The following SLC1A7 variants were observed in gnomAD, a reference collection of about 807,000 sequenced individuals.
SLC1A7 encodes solute carrier family 1 member 7.
SLC1A7 carries 40 observed loss-of-function variants against 47.7 expected under a neutral mutation model. That is an observed-to-expected ratio of 0.84 (90% CI 0.65 to 1.09). The LOEUF is 1.09. Among genes scored for constraint, SLC1A7 ranks in the 50% least tolerant of loss-of-function variants. The pLI is 0.00. For missense variants in SLC1A7, 746 were observed against 769.5 expected (o/e 0.97, Z 0.36); for synonymous variants, 323 against 325.6 (o/e 0.99, Z 0.09).
At chr1:53,093,625 A>C in intron 5 of SLC1A7, 65 bp from the exon 6 acceptor site, 1 of 1,309,590 alleles carries the variant, frequency 7.6e-7, no homozygotes, top group Non-Finnish European at 1.1e-6. Context: ...CATGGGTCTC[A>C]GCATGGCTGG....
chr1:53,106,567 C>T (rs929062751), intron 3 of SLC1A7, among the ~76,000 whole-genome samples: 6 of 150,380 alleles, frequency 4.0e-5, no homozygotes, highest in African/African-American at 1.5e-4. Context: ...GCCACTGCAC[C>T]CCAGCCTGGG....
chr1:53,093,795 T>C (rs1048433945), intron 5 of SLC1A7, among the ~76,000 whole-genome samples: 1 of 151,872 alleles, frequency 6.6e-6, no homozygotes, highest in Admixed American at 6.6e-5. Context: ...AGGATAAAAG[T>C]GCTCCCTGCC....
At position 53,142,482 on chromosome 1, in the gene SLC1A7, A is replaced by G; in HGVS notation, c.-33T>C. On this transcript the variant is annotated 5_prime_UTR_variant, in exon 1 of 11. Coordinates refer to ENST00000371494, the MANE Select transcript of SLC1A7 (RefSeq NM_006671.6). ...CTGGCCTGCTGGCAAGGGGCACAGC[A>G]CCATTCCACGCATGAGAGCCCGGCC... 1 of 1,609,022 alleles carries G rather than the reference A, an allele frequency of 6.2e-7. No individual in the cohort carries two copies. Among genetic ancestry groups the G allele is most frequent in the Non-Finnish European group, 8.5e-7 (1 of 1,178,050 alleles).
chr1:53,126,866 ATT>A (rs148031748), intron 2 of SLC1A7, among the ~76,000 whole-genome samples: 145,198 of 151,194 alleles, frequency 0.96, 69,748 homozygotes, highest in East Asian at 1. Flanking sequence ...TGCTTATCTA[ATT>A]TTTTTTTTTT....
intron 5 of SLC1A7, among the ~76,000 whole-genome samples, chr1:53,100,452 T>C (rs1313974002): frequency 6.7e-6 from 1 of 149,772 alleles, no homozygotes; most frequent in Admixed American, 6.7e-5. Context: ...CCCACCTCGG[T>C]CCACTCATAC....
chr1:53,123,575 G>A (rs1644848583), intron 2 of SLC1A7, among the ~76,000 whole-genome samples: 1 of 152,232 alleles, frequency 6.6e-6, no homozygotes, highest in Admixed American at 6.5e-5. Context: ...CACCAACCCG[G>A]GGGTGGGGGT....
At chr1:53,125,206 T>TGG (rs1644869368) in intron 2 of SLC1A7, among the ~76,000 whole-genome samples, 2 of 152,224 alleles carry the variant, frequency 1.3e-5, no homozygotes, top group East Asian at 3.9e-4. Flanking sequence ...TTCGTTCCTA[T>TGG]ACTAATGTAA....
intron 5 of SLC1A7, among the ~76,000 whole-genome samples, chr1:53,098,313 A>T (rs1644524783): frequency 7.6e-6 from 1 of 131,420 alleles, no homozygotes; most frequent in Non-Finnish European, 1.6e-5. Flanking sequence ...ACACACACAC[A>T]CTCCACTCGT....
Position 53,102,739 on chromosome 1 carries a change from C to T in SLC1A7, c.697+607G>A, listed in dbSNP as rs78518135. 9.8e-3 allele frequency: 1,495 copies of T among 152,612 alleles called. 9 individuals are homozygous for T. Among genetic ancestry groups the T allele is most frequent in the Non-Finnish European group, 0.015 (1,015 of 68,318 alleles). The allele number at this position is 152,612 out of a possible 1,614,324, so 9.5% of individuals were successfully genotyped here. Reference sequence around the variant, plus strand: ...GGCGAGAGACCACACGGCCTTGACCCGGGCAGTGACGCGGGGTAGAAGGAA... The same window carrying T: ...GGCGAGAGACCACACGGCCTTGACCTGGGCAGTGACGCGGGGTAGAAGGAA... On this transcript the variant is annotated intron_variant, in intron 5 of 10. Transcript: ENST00000371494.
chr1:53,095,725 T>TTGCCTCGGTACACTCAGC (rs1644479606), intron 5 of SLC1A7, among the ~76,000 whole-genome samples: 1 of 136,472 alleles, frequency 7.3e-6, no homozygotes, highest in Non-Finnish European at 1.6e-5. Flanking sequence ...CACACACAAC[T>TTGCCTCGGTACACTCAGC]TGCCTCGGTA....
intron 3 of SLC1A7, among the ~76,000 whole-genome samples, chr1:53,110,885 G>A (rs534403624): frequency 6.6e-6 from 1 of 151,968 alleles, no homozygotes; most frequent in Non-Finnish European, 1.5e-5. Flanking sequence ...ATTCTCCCTG[G>A]ACCATTCCAG....
Position 53,092,546 on chromosome 1 carries a change from G to T in SLC1A7, c.1031+8C>A. 1 of 1,601,314 alleles carries T rather than the reference G, an allele frequency of 6.2e-7. No individual in the cohort carries two copies. The highest frequency in any genetic ancestry group is 1.1e-5 in the South Asian group (1 of 90,768). ...GCTCCCCACCGTCCTGCCCGTCCCC[G>T]GGGCTACCTGGAGGAGGTGGCCAGC... On this transcript the variant is annotated splice_region_variant and intron_variant, in intron 7 of 10. Transcript: ENST00000371494.
Position 53,142,591 on chromosome 1 carries a change from G to A in SLC1A7, c.-142C>T, listed in dbSNP as rs1645069876. On this transcript the variant is annotated 5_prime_UTR_variant, in exon 1 of 11. Coordinates refer to ENST00000371494, the MANE Select transcript of SLC1A7 (RefSeq NM_006671.6). ...GCTAAACACCAGTCGCCAGCCCCAC[G>A]GCCATGCCCGTGTGGCCGCCTTAGA... The A allele has an allele frequency of 7.9e-6, 7 of 891,434 alleles. No individual in the cohort carries two copies. Among genetic ancestry groups the A allele is most frequent in the Admixed American group, 3.0e-5 (1 of 33,266 alleles). The allele number at this position is 891,434 out of a possible 1,614,324, so 55.2% of individuals were successfully genotyped here.
rs181174534 is a variant in SLC1A7 at position 53,134,111 on chromosome 1, G to A, written c.215+239C>T. ...GCTATCTTGGAGTCGGGTCATATCC[G>A]TTGATTCCAAATCACCTGTTCTATC... On this transcript the variant is annotated intron_variant, in intron 2 of 10. Coordinates refer to ENST00000371494, the MANE Select transcript of SLC1A7 (RefSeq NM_006671.6). 3.3e-4 allele frequency among the ~76,000 whole-genome samples: 50 copies of A among 152,238 alleles called. 1 individual carries two copies. Among genetic ancestry groups the A allele is most frequent in the African/African-American group, 1.0e-3 (42 of 41,528 alleles).
chr1:53,097,246 A>G (rs972189440), intron 5 of SLC1A7, among the ~76,000 whole-genome samples: 1 of 148,000 alleles, frequency 6.8e-6, no homozygotes. Context: ...CGGTACACTC[A>G]TTTTTTCTCG....
chr1:53,131,201 G>A (rs2150343824), intron 2 of SLC1A7, among the ~76,000 whole-genome samples: 1 of 152,344 alleles, frequency 6.6e-6, no homozygotes, highest in East Asian at 1.9e-4. Flanking sequence ...GCCAGAAGGT[G>A]GAGAGCTGGA....
At chr1:53,094,747 C>T (rs1359512301) in intron 5 of SLC1A7, among the ~76,000 whole-genome samples, 1 of 152,206 alleles carries the variant, frequency 6.6e-6, no homozygotes, top group Non-Finnish European at 1.5e-5. Flanking sequence ...CCGGGCTCCA[C>T]CACCACCACG....
chr1:53,090,886 C>A lies in SLC1A7; in HGVS notation c.1032-80G>T, dbSNP rs1225403538. ...CCTCTGTCGGGAAGCTCACCCCTCC[C>A]CAGGCAGCCACCCCGCCAGGAGTGT... On this transcript the variant is annotated intron_variant, in intron 7 of 10. Transcript: ENST00000371494. 4 of 1,551,154 alleles carry A rather than the reference C, an allele frequency of 2.6e-6. No homozygotes were observed. In the South Asian group the frequency reaches 3.6e-5, roughly 14 times the overall value.
At chr1:53,117,309 G>T (rs1338052170) in intron 2 of SLC1A7, among the ~76,000 whole-genome samples, 1 of 152,228 alleles carries the variant, frequency 6.6e-6, no homozygotes, top group African/African-American at 2.4e-5. Flanking sequence ...CTGAGCTCAG[G>T]AGTAGGGTGG....
Sources: allele counts gnomAD v4.1 joint callset (sites outside exome capture counted in the v4.1 genomes callset), GRCh38; gene constraint gnomAD v4.1.1; transcripts MANE v1.5; gene names NCBI Gene and HGNC (gene_info 2026-07-23, HGNC 2026-07-21).